The following DNTT variants were observed in gnomAD, a reference collection of about 807,000 sequenced individuals.
The protein encoded by DNTT is DNA nucleotidylexotransferase.
DNTT carries 47 observed loss-of-function variants against 60.9 expected under a neutral mutation model. The observed-to-expected ratio is 0.77, with a 90% CI of 0.61 to 0.98. The LOEUF is 0.98. Among genes scored for constraint, DNTT ranks in the 50% least tolerant of loss-of-function variants. The pLI is 0.00. For synonymous variants in DNTT, 224 were observed against 221.2 expected (o/e 1.01, Z -0.11); for missense variants, 665 against 627.5 (o/e 1.06, Z -0.64).
rs76618508 is a variant in DNTT at position 96,307,183 on chromosome 10, T to C, written c.203+2483T>C. Reference sequence around the variant, plus strand: ...TCCATTGACCTTTACAGCAAAACCCTAAGGAATGGGCTCTCCCTCCACAAT... The same window carrying C: ...TCCATTGACCTTTACAGCAAAACCCCAAGGAATGGGCTCTCCCTCCACAAT... On this transcript the variant is annotated intron_variant, in intron 1 of 10. Transcript: ENST00000371174. 2.0e-5 allele frequency among the ~76,000 whole-genome samples: 3 copies of C among 152,268 alleles called. No individual in the cohort carries two copies. The East Asian group carries it at 5.8e-4, about 29-fold the overall frequency.
At chr10:96,335,326 G>T (rs1293921836) in intron 9 of DNTT, among the ~76,000 whole-genome samples, 1 of 152,122 alleles carries the variant, frequency 6.6e-6, no homozygotes, top group Non-Finnish European at 1.5e-5. Context: ...CAGTTTCATG[G>T]CATCTCAGTG....
At chr10:96,324,125 C>A in intron 5 of DNTT, 141 bp from the exon 6 acceptor site, 3 of 1,133,150 alleles carry the variant, frequency 2.6e-6, no homozygotes, top group Non-Finnish European at 3.7e-6. Flanking sequence ...CATCACCCAC[C>A]TGCTCGTTAT....
rs746667958 is a variant in DNTT, at chr10:96,322,648, G to A, written c.679-9G>A. On this transcript the variant is annotated splice_polypyrimidine_tract_variant and intron_variant, in intron 4 of 10. Coordinates refer to ENST00000371174, the MANE Select transcript of DNTT (RefSeq NM_004088.4). ...CACTAATTTAAAATATTTTTCAACT[G>A]TCCATTAGGAGATTATTGAAGATGG... 2.5e-6 allele frequency: 4 copies of A among 1,595,592 alleles called. No individual in the cohort carries two copies. In the Admixed American group the frequency reaches 6.8e-5, roughly 27 times the overall value.
chr10:96,317,327 A>T (rs1412750725), intron 1 of DNTT, among the ~76,000 whole-genome samples: 1 of 152,354 alleles, frequency 6.6e-6, no homozygotes, highest in Admixed American at 6.5e-5. Flanking sequence ...TTGAGGAGCT[A>T]AATGAGATGA....
chr10:96,317,813 A>T (rs1844805384), intron 1 of DNTT, among the ~76,000 whole-genome samples: 1 of 152,226 alleles, frequency 6.6e-6, no homozygotes, highest in African/African-American at 2.4e-5. Context: ...TCTGTTGTTT[A>T]TAAATTACTC....
At chr10:96,335,855 C>A (rs76113338) in intron 9 of DNTT, 36 bp from the exon 10 acceptor site, 2 of 1,598,324 alleles carry the variant, frequency 1.3e-6, no homozygotes, top group South Asian at 1.1e-5. Flanking sequence ...ACATTCTAGA[C>A]GTGTTAATAA....
intron 1 of DNTT, among the ~76,000 whole-genome samples, chr10:96,311,637 TTTTG>T (rs775981312): frequency 2.0e-4 from 30 of 152,162 alleles, no homozygotes; most frequent in South Asian, 8.3e-4. Context: ...AATCTGTTTA[TTTTG>T]TTTGTTTATT....
intron 1 of DNTT, among the ~76,000 whole-genome samples, chr10:96,317,981 A>C (rs1230347118): frequency 1.3e-5 from 2 of 152,212 alleles, no homozygotes; most frequent in African/African-American, 4.8e-5. Context: ...TTTGAAGGCC[A>C]TTGGATTATT....
At chr10:96,332,309 T>A in intron 8 of DNTT, 42 bp from the exon 9 acceptor site, 1 of 1,595,206 alleles carries the variant, frequency 6.3e-7, no homozygotes, top group South Asian at 1.1e-5. Flanking sequence ...ATAGATCTTC[T>A]TCATCAGGGC....
In DNTT at chr10:96,318,399, T is replaced by C; in HGVS notation, c.251T>C (p.Val84Ala). Residue 84 changes from valine (V) to alanine (A), a missense_variant, in exon 2 of 11, where the codon GTT becomes GCT. Val to Ala is a moderately conservative substitution (Grantham distance 64, BLOSUM62 0). Transcript: ENST00000371174. ...GCAGAGAACAACTCGGGTTCGGATG[T>C]TCTGGAGTGGCTTCAAGCACAGAAA... The part of the protein sequence containing the change: ...IVAENNSGSD[V>A]LEWLQAQKVQ... The C allele has an allele frequency of 3.1e-6, 5 of 1,613,694 alleles. No homozygotes were observed. Among genetic ancestry groups the C allele is most frequent in the Non-Finnish European group, 4.2e-6 (5 of 1,179,732 alleles).
At chr10:96,325,924 C>T (rs544922673) in intron 6 of DNTT, among the ~76,000 whole-genome samples, 10 of 152,204 alleles carry the variant, frequency 6.6e-5, no homozygotes, top group East Asian at 1.9e-4. Context: ...GCACATGCCA[C>T]GTTTGCCTTG....
In DNTT at chr10:96,318,278, A is replaced by G. The variant is rs932289551; in HGVS notation, c.204-74A>G. 6 of 1,529,556 alleles carry G rather than the reference A, an allele frequency of 3.9e-6. No homozygotes were observed. In the African/African-American group the frequency reaches 4.1e-5, roughly 11 times the overall value. The allele number at this position is 1,529,556 out of a possible 1,614,324, so 94.7% of individuals were successfully genotyped here. ...TTTCTCCATCAGATGGAATGCTCAG[A>G]AACCTTGAGGAAAGAGGAGAGCTTC... On this transcript the variant is annotated intron_variant, in intron 1 of 10. Transcript: ENST00000371174.
chr10:96,315,798 A>G (rs1020748823), intron 1 of DNTT, among the ~76,000 whole-genome samples: 1 of 152,020 alleles, frequency 6.6e-6, no homozygotes, highest in African/African-American at 2.4e-5. Flanking sequence ...AAAGGCAGAA[A>G]TATAGATGGA....
chr10:96,323,292 G>A (rs933154469), intron 5 of DNTT, among the ~76,000 whole-genome samples: 2 of 152,042 alleles, frequency 1.3e-5, no homozygotes, highest in African/African-American at 4.8e-5. Context: ...GAGTGAGACT[G>A]TCTCAAAAAC....
At chr10:96,321,342 AC>A (rs1844874309) in intron 4 of DNTT, among the ~76,000 whole-genome samples, 1 of 152,024 alleles carries the variant, frequency 6.6e-6, no homozygotes, top group Non-Finnish European at 1.5e-5. Context: ...GTCCTGCGTC[AC>A]TTTTCCCATG....
chr10:96,324,366 A>G lies in DNTT; in HGVS notation c.851A>G (p.Lys284Arg). ...LSKVRSDKSL[K>R]FTRMQKAGFL... ...AAAGTAAGGTCGGACAAAAGCCTGA[A>G]ATTTACACGAATGCAGAAAGCAGGT... The change falls in exon 6 of 11, where the codon AAA (lysine) becomes AGA (arginine). Residue 284 changes from lysine (K) to arginine (R), a missense_variant. Transcript: ENST00000371174. The G allele has an allele frequency of 6.2e-7, 1 of 1,613,824 alleles. No homozygotes were observed.
chr10:96,318,626 A>G lies in DNTT; in HGVS notation c.378+100A>G, dbSNP rs978369601. On this transcript the variant is annotated intron_variant, in intron 2 of 10. Transcript: ENST00000371174. ...GGGGTAAACCCTAAATTCTCTGCTT[A>G]CTACCTGTGTGACCTTGGGCAAGTC... 2.1e-6 allele frequency: 3 copies of G among 1,425,782 alleles called. No individual in the cohort carries two copies. In the South Asian group the frequency reaches 4.3e-5, roughly 21 times the overall value. 88.3% of individuals were successfully genotyped at this position (1,425,782 alleles called of 1,614,324 possible). A position where few individuals can be genotyped will look rare whatever the true frequency, so the allele number is the denominator to read the frequency against.
rs1385405043 is a variant in DNTT, at chr10:96,335,976, TACAGTTCTCTTCCTA to T, written c.1443+4_1443+18del. On this transcript the variant is annotated splice_donor_5th_base_variant and intron_variant, in intron 10 of 10. Transcript: ENST00000371174. Reference sequence around the variant, plus strand: ...CATGCTTTATATGACAAGACCAAGGTACAGTTCTCTTCCTAAAAGGGGCTACTTTGATCCTCATCC... The same window carrying T: ...CATGCTTTATATGACAAGACCAAGGTAAAGGGGCTACTTTGATCCTCATCC... 2.5e-6 allele frequency: 4 copies of T among 1,613,994 alleles called. No individual in the cohort carries two copies. The highest frequency in any genetic ancestry group is 3.4e-6 in the Non-Finnish European group (4 of 1,180,006).
At chr10:96,329,900 A>AG (rs1232554780) in intron 8 of DNTT, among the ~76,000 whole-genome samples, 4 of 152,194 alleles carry the variant, frequency 2.6e-5, no homozygotes, top group African/African-American at 9.7e-5. Flanking sequence ...CCTGCCCCAC[A>AG]GCTCTCTTCC....
Sources: gnomAD v4.1 joint callset for allele counts (sites outside exome capture counted in the v4.1 genomes callset) on GRCh38, gnomAD v4.1.1 for gene constraint, MANE v1.5 for transcripts, NCBI Gene and HGNC (gene_info 2026-07-23, HGNC 2026-07-21) for gene names.